Variants in ANO10 observed in about 807,000 individuals in gnomAD.
The protein encoded by ANO10 is anoctamin 10, also known as anoctamin-10.
In ANO10, 77 loss-of-function variants were observed where a neutral mutation model predicts 74.7. The observed-to-expected ratio is 1.03, with a 90% CI of 0.86 to 1.25. The LOEUF (loss-of-function observed/expected upper bound fraction) is 1.25, where lower values mean the gene tolerates loss of function less well. ANO10 is among the 50% of genes most tolerant of loss of function. The probability of loss-of-function intolerance (pLI) is 0.00; values close to 1 mark genes in which losing one functional copy is unlikely to be tolerated. For missense variants in ANO10, 721 were observed against 778.1 expected (o/e 0.93, Z 0.87); for synonymous variants, 279 against 284.9 (o/e 0.98, Z 0.21).
intron 12 of ANO10, among the ~76,000 whole-genome samples, chr3:43,392,100 G>A (rs1575643588): frequency 6.6e-6 from 1 of 152,036 alleles, no homozygotes; most frequent in African/African-American, 2.4e-5. Flanking sequence ...CAGGAGGTGG[G>A]CCCTCTCCCT....
intron 11 of ANO10, among the ~76,000 whole-genome samples, chr3:43,497,294 C>T (rs920739520): frequency 1.6e-4 from 24 of 152,076 alleles, no homozygotes; most frequent in Admixed American, 1.4e-3. Flanking sequence ...TTGTAATAAG[C>T]GAGTAATGCT....
chr3:43,688,927 G>A (rs2084312025), intron 1 of ANO10, among the ~76,000 whole-genome samples: 1 of 152,084 alleles, frequency 6.6e-6, no homozygotes, highest in Admixed American at 6.6e-5. Context: ...AGGCTATACA[G>A]GTGCTGGTAT....
chr3:43,440,360 T>A (rs977151893), intron 11 of ANO10, among the ~76,000 whole-genome samples: 15 of 152,156 alleles, frequency 9.9e-5, no homozygotes, highest in Non-Finnish European at 1.9e-4. Context: ...ATGCTCATTT[T>A]CATTTACCAT....
At position 43,614,970 on chromosome 3, in the gene ANO10, T is replaced by C. The variant is rs577397756; in HGVS notation, c.-12+6939A>G. Among the ~76,000 whole-genome samples, 4 of 150,952 alleles carry C rather than the reference T, an allele frequency of 2.6e-5. No homozygotes were observed. In the East Asian group the frequency reaches 7.8e-4, roughly 29 times the overall value. On this transcript the variant is annotated intron_variant, in intron 1 of 12. Transcript: ENST00000292246. ...GCTAAAGTCTGGTACAAGAATACAA[T>C]AGAACCATTAATACTGAGATACAGA...
At chr3:43,612,815 T>G (rs1250051689) in intron 1 of ANO10, among the ~76,000 whole-genome samples, 1 of 152,190 alleles carries the variant, frequency 6.6e-6, no homozygotes, top group Non-Finnish European at 1.5e-5. Context: ...TTTTTTCCTC[T>G]AACAGAGCTT....
At chr3:43,680,990 A>G (rs996046280) in intron 1 of ANO10, among the ~76,000 whole-genome samples, 4 of 152,236 alleles carry the variant, frequency 2.6e-5, no homozygotes, top group Non-Finnish European at 5.9e-5. Context: ...AATTGTAAAG[A>G]CCATCGAGGC....
intron 1 of ANO10, among the ~76,000 whole-genome samples, chr3:43,647,153 A>ATATGTGTGTGTG (rs371712281): frequency 4.9e-5 from 7 of 141,890 alleles, no homozygotes; most frequent in Admixed American, 7.2e-5. Context: ...ATGTGTATAT[A>ATATGTGTGTGTG]TGTGTGTGTG....
chr3:43,631,912 G>A (rs892819183), intron 1 of ANO10, among the ~76,000 whole-genome samples: 8 of 151,856 alleles, frequency 5.3e-5, no homozygotes, highest in African/African-American at 1.4e-4. Context: ...GTGAAACCCC[G>A]TCTCTACTAA....
intron 11 of ANO10, among the ~76,000 whole-genome samples, chr3:43,491,041 A>G (rs1057069330): frequency 6.6e-6 from 1 of 152,156 alleles, no homozygotes; most frequent in African/African-American, 2.4e-5. Flanking sequence ...TAAATGGCAT[A>G]TGACCTTCCA....
intron 11 of ANO10, among the ~76,000 whole-genome samples, chr3:43,545,597 C>T (rs1380472005): frequency 6.6e-6 from 1 of 152,112 alleles, no homozygotes; most frequent in Non-Finnish European, 1.5e-5. Context: ...AACTCCTGAC[C>T]TCAGGTGATC....
intron 12 of ANO10, among the ~76,000 whole-genome samples, chr3:43,414,692 C>T (rs2092711646): frequency 6.6e-6 from 1 of 152,114 alleles, no homozygotes; most frequent in Admixed American, 6.5e-5. Context: ...TGCCAGAAAG[C>T]ACGTAATTTT....
chr3:43,485,744 G>A (rs942371588), intron 11 of ANO10: 10 of 222,890 alleles, frequency 4.5e-5, no homozygotes, highest in Non-Finnish European at 8.2e-5. Context: ...GAGATACGAA[G>A]TACCAGAAGT....
intron 11 of ANO10, among the ~76,000 whole-genome samples, chr3:43,454,813 G>A (rs571898707): frequency 6.6e-6 from 1 of 152,118 alleles, no homozygotes; most frequent in Non-Finnish European, 1.5e-5. Context: ...CAGTAAGCAT[G>A]AACAATTTAC....
intron 11 of ANO10, among the ~76,000 whole-genome samples, chr3:43,433,865 T>C (rs925757109): frequency 6.6e-6 from 1 of 152,180 alleles, no homozygotes; most frequent in African/African-American, 2.4e-5. Context: ...TTACTAAATA[T>C]TAAAAGTTGT....
intron 11 of ANO10, among the ~76,000 whole-genome samples, chr3:43,517,404 C>G (rs2077754784): frequency 6.6e-6 from 1 of 151,996 alleles, no homozygotes; most frequent in Non-Finnish European, 1.5e-5. Context: ...CCCTTGCCCT[C>G]AACAAATTCA....
intron 1 of ANO10, among the ~76,000 whole-genome samples, chr3:43,672,405 C>A (rs2084070596): frequency 6.6e-6 from 1 of 152,112 alleles, no homozygotes; most frequent in African/African-American, 2.4e-5. Flanking sequence ...CTGGTGCATG[C>A]CTGCTCTCCC....
intron 1 of ANO10, among the ~76,000 whole-genome samples, chr3:43,654,091 C>G (rs2083819503): frequency 6.6e-6 from 1 of 152,064 alleles, no homozygotes; most frequent in African/African-American, 2.4e-5. Flanking sequence ...GCCAGAGCCA[C>G]CAGCTCTGAA....
intron 11 of ANO10, among the ~76,000 whole-genome samples, chr3:43,468,442 C>A (rs1433103019): frequency 6.6e-6 from 1 of 152,172 alleles, no homozygotes; most frequent in Non-Finnish European, 1.5e-5. Flanking sequence ...AAAGGCTGCA[C>A]CAGTGGAAGA....
At chr3:43,440,167 T>C (rs1254499949) in intron 11 of ANO10, among the ~76,000 whole-genome samples, 1 of 151,872 alleles carries the variant, frequency 6.6e-6, no homozygotes, top group Admixed American at 6.6e-5. Flanking sequence ...CTGAAAGCAA[T>C]GAACAAAACG....
Sources: gnomAD v4.1 joint callset for allele counts (sites outside exome capture counted in the v4.1 genomes callset) on GRCh38, gnomAD v4.1.1 for gene constraint, MANE v1.5 for transcripts, NCBI Gene and HGNC (gene_info 2026-07-23, HGNC 2026-07-21) for gene names.